Variants in RCAN2 observed in about 807,000 individuals in gnomAD.
RCAN2 encodes the protein calcipressin-2.
RCAN2 carries 9 observed loss-of-function variants against 23.6 expected under a neutral mutation model. The ratio of observed to expected loss-of-function variants is 0.38; its 90% CI spans 0.23 to 0.67. RCAN2 has a LOEUF of 0.67. Ranked by LOEUF, RCAN2 falls within the 30% of genes least tolerant of loss-of-function variation. RCAN2 has a pLI of 0.51. For missense variants in RCAN2, 273 were observed against 302.3 expected, an observed-to-expected ratio of 0.90 and a Z score of 0.72; for synonymous variants, 109 against 115.7, an observed-to-expected ratio of 0.94 and a Z score of 0.37.
chr6:46,226,313 T>G (rs1051937600), intron 4 of RCAN2, among the ~76,000 whole-genome samples: 5 of 152,216 alleles, frequency 3.3e-5, no homozygotes, highest in Non-Finnish European at 5.9e-5. Context: ...TTTTTCCAGT[T>G]CTGTGAAGAA....
At chr6:46,463,970 A>G (rs1192269176) in intron 1 of RCAN2, among the ~76,000 whole-genome samples, 3 of 152,116 alleles carry the variant, frequency 2.0e-5, no homozygotes, top group Non-Finnish European at 4.4e-5. Flanking sequence ...ATTCCATGTT[A>G]TGGCCAGCTA....
chr6:46,359,389 TGAGAAGA>T (rs1450538596), intron 2 of RCAN2, among the ~76,000 whole-genome samples: 44 of 152,262 alleles, frequency 2.9e-4, no homozygotes, highest in African/African-American at 1.0e-3. Context: ...GCCTGAGAAG[TGAGAAGA>T]CAGCAAAGAT....
At chr6:46,293,833 G>A (rs970488436) in intron 2 of RCAN2, among the ~76,000 whole-genome samples, 1 of 152,224 alleles carries the variant, frequency 6.6e-6, no homozygotes. Flanking sequence ...GAGTGATTTT[G>A]AAAGTGAGCA....
At chr6:46,359,301 A>G (rs1764928867) in intron 2 of RCAN2, among the ~76,000 whole-genome samples, 1 of 152,230 alleles carries the variant, frequency 6.6e-6, no homozygotes, top group South Asian at 2.1e-4. Context: ...CAGGGCTGTA[A>G]TTATCAGCCC....
chr6:46,319,370 C>T (rs534323797), intron 2 of RCAN2, among the ~76,000 whole-genome samples: 1 of 152,280 alleles, frequency 6.6e-6, no homozygotes, highest in South Asian at 2.1e-4. Flanking sequence ...ACATTAAAAT[C>T]TGTTTCTTTA....
chr6:46,367,890 A>G (rs1765217705), intron 2 of RCAN2, among the ~76,000 whole-genome samples: 1 of 152,204 alleles, frequency 6.6e-6, no homozygotes, highest in South Asian at 2.1e-4. Flanking sequence ...AAAAAATTGT[A>G]CTGTGGCTTG....
At chr6:46,396,630 T>C (rs1381890241) in intron 2 of RCAN2, among the ~76,000 whole-genome samples, 1 of 152,210 alleles carries the variant, frequency 6.6e-6, no homozygotes, top group Non-Finnish European at 1.5e-5. Context: ...CTGGTGTCTA[T>C]TCTGATTGGT....
intron 2 of RCAN2, among the ~76,000 whole-genome samples, chr6:46,415,265 G>T (rs1448576964): frequency 6.6e-6 from 1 of 152,134 alleles, no homozygotes; most frequent in East Asian, 1.9e-4. Context: ...CGGATTAAGG[G>T]TATAGAATCA....
intron 2 of RCAN2, among the ~76,000 whole-genome samples, chr6:46,337,948 G>A (rs538742906): frequency 1.3e-4 from 20 of 152,318 alleles, no homozygotes; most frequent in Admixed American, 9.8e-4. Flanking sequence ...CCCCTAGAGT[G>A]AGGAGTGGTA....
intron 2 of RCAN2, among the ~76,000 whole-genome samples, chr6:46,454,029 C>T (rs541254361): frequency 1.3e-5 from 2 of 152,316 alleles, no homozygotes; most frequent in South Asian, 2.1e-4. Context: ...AAAACAATTA[C>T]CATGGCCAGC....
intron 2 of RCAN2, among the ~76,000 whole-genome samples, chr6:46,287,933 C>T (rs754075583): frequency 3.3e-5 from 5 of 152,230 alleles, no homozygotes; most frequent in Non-Finnish European, 7.3e-5. Flanking sequence ...TATGAAAGTG[C>T]TGTAAACGAC....
chr6:46,244,246 G>A (rs1001028961), intron 4 of RCAN2, among the ~76,000 whole-genome samples: 24 of 152,104 alleles, frequency 1.6e-4, no homozygotes, highest in Non-Finnish European at 3.2e-4. Context: ...TTACCACTCC[G>A]AGCTCCCCAT....
Position 46,221,116 on chromosome 6 carries a change from A to C in RCAN2, c.*2025T>G, listed in dbSNP as rs1765461861. 1 of 152,402 alleles carries C rather than the reference A, an allele frequency of 6.6e-6. No individual in the cohort carries two copies. The highest frequency in any genetic ancestry group is 2.4e-5 in the African/African-American group (1 of 41,446). 9.4% of individuals were successfully genotyped at this position (152,402 alleles called of 1,614,324 possible). On this transcript the variant is annotated 3_prime_UTR_variant, in exon 5 of 5. Transcript: ENST00000371374. ...CCATACACTTCATTGTGTTTCTTTT[A>C]TGACTACACAGAATGGTCATTTCAA... is the stretch of plus-strand genomic sequence containing the variant.
At chr6:46,306,578 T>C (rs1175905337) in intron 2 of RCAN2, among the ~76,000 whole-genome samples, 3 of 152,202 alleles carry the variant, frequency 2.0e-5, no homozygotes, top group African/African-American at 7.2e-5. Flanking sequence ...GACAGCCTAC[T>C]GGTAAACTGT....
chr6:46,333,202 T>C (rs1452293465), intron 2 of RCAN2, among the ~76,000 whole-genome samples: 1 of 152,212 alleles, frequency 6.6e-6, no homozygotes, highest in Non-Finnish European at 1.5e-5. Flanking sequence ...AGATTCTGGA[T>C]ATTAGCCCTT....
chr6:46,414,076 G>A (rs1766629593), intron 2 of RCAN2, among the ~76,000 whole-genome samples: 1 of 152,204 alleles, frequency 6.6e-6, no homozygotes. Flanking sequence ...TCTGGACATG[G>A]TGCATTAGAG....
At chr6:46,232,189 C>A (rs1398362719) in intron 4 of RCAN2, among the ~76,000 whole-genome samples, 1 of 152,266 alleles carries the variant, frequency 6.6e-6, no homozygotes, top group Admixed American at 6.5e-5. Context: ...TTGGCACTAA[C>A]CCAGCACGCT....
rs146206024 is a variant in RCAN2, at chr6:46,392,538, T to C, written c.225+64214A>G. ...CTGCCCTCTGGAACCTAACACTTAA[T>C]GGAGGATGGGGAAGACCATCCATAA... On this transcript the variant is annotated intron_variant, in intron 2 of 4. Coordinates refer to ENST00000371374, the MANE Select transcript of RCAN2 (RefSeq NM_001251974.2). Among the ~76,000 whole-genome samples, 186 of 152,230 alleles carry C rather than the reference T, an allele frequency of 1.2e-3. 3 individuals are homozygous for C. The East Asian group carries it at 0.03, about 24-fold the overall frequency.
intron 1 of RCAN2, among the ~76,000 whole-genome samples, chr6:46,469,057 A>G (rs1046570833): frequency 1.3e-5 from 2 of 152,066 alleles, no homozygotes; most frequent in Admixed American, 1.3e-4. Flanking sequence ...TCTCAAATCT[A>G]CAATTGTAAT....
Sources: allele counts gnomAD v4.1 joint callset (sites outside exome capture counted in the v4.1 genomes callset), GRCh38; gene constraint gnomAD v4.1.1; transcripts MANE v1.5; gene names NCBI Gene and HGNC (gene_info 2026-07-23, HGNC 2026-07-21).